Variants in VAV2 observed in about 807,000 individuals in gnomAD.
VAV2 encodes guanine nucleotide exchange factor VAV2.
Under a neutral mutation model 132.5 loss-of-function variants are expected in VAV2, and 67 were observed. The ratio of observed to expected loss-of-function variants is 0.51; its 90% CI spans 0.42 to 0.62. The LOEUF (loss-of-function observed/expected upper bound fraction) is 0.62. VAV2 is among the 20% of genes least tolerant of loss of function. The pLI, the probability that VAV2 is intolerant of heterozygous loss-of-function variation, is 0.00. For missense variants in VAV2, 938 were observed against 1,153.6 expected (o/e 0.81, Z 2.71); for synonymous variants, 492 against 443.5 (o/e 1.11, Z -1.37).
At chr9:133,785,096 G>A (rs1441288116) in intron 17 of VAV2, among the ~76,000 whole-genome samples, 2 of 152,126 alleles carry the variant, frequency 1.3e-5, no homozygotes, top group African/African-American at 4.8e-5. Flanking sequence ...TCACGAGCCA[G>A]GCCCTGGCCC....
At chr9:133,893,347 C>T (rs967465889) in intron 2 of VAV2, among the ~76,000 whole-genome samples, 3 of 152,122 alleles carry the variant, frequency 2.0e-5, no homozygotes, top group Non-Finnish European at 2.9e-5. Context: ...GCTCGGGTGG[C>T]GAAGGCGGCG....
chr9:133,843,678 T>C (rs1836815020), intron 3 of VAV2, among the ~76,000 whole-genome samples: 2 of 152,150 alleles, frequency 1.3e-5, no homozygotes, highest in African/African-American at 2.4e-5. Flanking sequence ...AAGGTGATGA[T>C]GGACATGGGC....
chr9:133,955,915 C>T (rs559205615), intron 1 of VAV2, among the ~76,000 whole-genome samples: 2 of 149,882 alleles, frequency 1.3e-5, no homozygotes, highest in Non-Finnish European at 3.0e-5. Flanking sequence ...CTGCCGCTTC[C>T]GCTCAGCACA....
chr9:133,856,524 C>T lies in VAV2; in HGVS notation c.380+4850G>A, dbSNP rs556298450. On this transcript the variant is annotated intron_variant, in intron 3 of 29. Coordinates refer to ENST00000371850, the MANE Select transcript of VAV2 (RefSeq NM_001134398.2). ...CCCCATGCTGATATGTGCCCAGACACGCCACATAGCTGGGCCTTCAGACAG... is the reference window on the plus strand; with the variant it reads ...CCCCATGCTGATATGTGCCCAGACATGCCACATAGCTGGGCCTTCAGACAG... Among the ~76,000 whole-genome samples, 12 of 151,974 alleles carry T rather than the reference C, an allele frequency of 7.9e-5. No homozygotes were observed. In the South Asian group the frequency reaches 1.9e-3, roughly 24 times the overall value.
intron 2 of VAV2, among the ~76,000 whole-genome samples, chr9:133,868,221 C>T (rs1486972895): frequency 2.6e-5 from 4 of 152,208 alleles, no homozygotes; most frequent in Non-Finnish European, 4.4e-5. Flanking sequence ...GTGAGCTACC[C>T]GGGGCTCGGG....
chr9:133,778,952 C>T (rs536384190), intron 21 of VAV2, 63 bp from the exon 22 acceptor site: 84 of 1,580,736 alleles, frequency 5.3e-5, no homozygotes, highest in Non-Finnish European at 6.1e-5. Context: ...GACTTGGCCC[C>T]GGCCCGCAGC....
At position 133,928,928 on chromosome 9, in the gene VAV2, G is replaced by A. The variant is rs747172829; in HGVS notation, c.321+10175C>T. 1.3e-5 allele frequency among the ~76,000 whole-genome samples: 2 copies of A among 152,126 alleles called. No homozygotes were observed. ...AGATGCACCCCTGCCCACTGCCAGG[G>A]TCATCACCCACGTGCTCAAACGCGG... On this transcript the variant is annotated intron_variant, in intron 2 of 29. Coordinates refer to ENST00000371850, the MANE Select transcript of VAV2 (RefSeq NM_001134398.2). This position sits in a 1 kb window ranked among gnomAD's most constrained non-coding sequence, Gnocchi z 5.4.
chr9:133,843,080 A>T (rs1836789203), intron 3 of VAV2, among the ~76,000 whole-genome samples: 2 of 152,324 alleles, frequency 1.3e-5, no homozygotes, highest in African/African-American at 4.8e-5. Context: ...TCAGCGCGCC[A>T]TCCCACCCAG....
In VAV2 at chr9:133,857,945, C is replaced by G. The variant is rs1042199085; in HGVS notation, c.380+3429G>C. Among the ~76,000 whole-genome samples the G allele has an allele frequency of 6.6e-6, 1 of 152,224 alleles. No individual in the cohort carries two copies. The highest frequency in any genetic ancestry group is 6.5e-5 in the Admixed American group (1 of 15,286). On this transcript the variant is annotated intron_variant, in intron 3 of 29. Transcript: ENST00000371850. This position sits in a 1 kb window ranked among gnomAD's most constrained non-coding sequence, Gnocchi z 4.0. The stretch of plus-strand genomic sequence containing the variant: ...CTGCAGAGGTCTTCCTGCAAAGCCT[C>G]GCTCTGCGCCCAGGAGGCCCTTCCC...
chr9:133,939,538 G>A (rs1441271018), intron 1 of VAV2, among the ~76,000 whole-genome samples: 2 of 152,152 alleles, frequency 1.3e-5, no homozygotes, highest in African/African-American at 2.4e-5. Flanking sequence ...CAGAAGACAC[G>A]CCACTCCCCG....
chr9:133,820,010 A>T (rs1246085207), intron 4 of VAV2, among the ~76,000 whole-genome samples: 1 of 152,236 alleles, frequency 6.6e-6, no homozygotes. Context: ...TTTAACCAGT[A>T]TTTCTCCTAT....
At chr9:133,890,804 C>A (rs571068832) in intron 2 of VAV2, among the ~76,000 whole-genome samples, 1 of 152,118 alleles carries the variant, frequency 6.6e-6, no homozygotes, top group Admixed American at 6.5e-5. Context: ...GGAAGCCGCA[C>A]GCTGGTGACG....
Position 133,965,494 on chromosome 9 carries a change from CA to C in VAV2, c.205-26276del, listed in dbSNP as rs148320930. Among the ~76,000 whole-genome samples, 322 of 122,762 alleles carry C rather than the reference CA, an allele frequency of 2.6e-3. 1 individual carries two copies. Among genetic ancestry groups the C allele is most frequent in the East Asian group, 0.015 (65 of 4,404 alleles). 80.5% of individuals were successfully genotyped at this position (122,762 alleles called of 152,430 possible). A position where few individuals can be genotyped will look rare whatever the true frequency, so the allele number is the denominator to read the frequency against. On this transcript the variant is annotated intron_variant, in intron 1 of 29. Coordinates refer to ENST00000371850, the MANE Select transcript of VAV2 (RefSeq NM_001134398.2). ...AGCCTGGATGACAGAGCGAGACTGT[CA>C]AAAAAAAAAAAAAAAGTCAAGAAAG...
intron 2 of VAV2, among the ~76,000 whole-genome samples, chr9:133,881,000 G>A (rs1021737342): frequency 5.3e-5 from 8 of 152,206 alleles, no homozygotes; most frequent in Admixed American, 1.3e-4. Flanking sequence ...AGGTGCTCCC[G>A]GGGGCAGCAA....
intron 2 of VAV2, among the ~76,000 whole-genome samples, chr9:133,874,469 C>T (rs748976345): frequency 7.9e-5 from 12 of 152,322 alleles, no homozygotes; most frequent in Admixed American, 2.0e-4. Flanking sequence ...CGCATCAGTC[C>T]CTCTTTAATC....
In VAV2 at chr9:133,806,184, G is replaced by T. The variant is rs1458830934; in HGVS notation, c.736-3C>A. On this transcript the variant is annotated splice_region_variant and splice_polypyrimidine_tract_variant and intron_variant, in intron 8 of 29. Transcript: ENST00000371850. Reference sequence around the variant, plus strand: ...CTGTGATGCACCTTGATCAGGTCCTGGGTTGAAAACCAGCCGTGAGTGCCT... The same window carrying T: ...CTGTGATGCACCTTGATCAGGTCCTTGGTTGAAAACCAGCCGTGAGTGCCT... The T allele has an allele frequency of 1.2e-6, 2 of 1,610,838 alleles. No individual in the cohort carries two copies. Among genetic ancestry groups the T allele is most frequent in the Non-Finnish European group, 1.7e-6 (2 of 1,179,224 alleles).
At chr9:133,783,372 T>C in intron 19 of VAV2, 131 bp downstream of exon 19, 1 of 814,576 alleles carries the variant, frequency 1.2e-6, no homozygotes, top group South Asian at 1.5e-5. Flanking sequence ...CTGGGGCACG[T>C]GAGCACTGGT....
intron 17 of VAV2, among the ~76,000 whole-genome samples, chr9:133,785,417 G>T (rs1332936753): frequency 6.6e-6 from 1 of 152,228 alleles, no homozygotes; most frequent in African/African-American, 2.4e-5. Flanking sequence ...CTGAAGACTG[G>T]GGTCACCAGG....
At chr9:133,956,925 C>T (rs896167075) in intron 1 of VAV2, among the ~76,000 whole-genome samples, 11 of 152,244 alleles carry the variant, frequency 7.2e-5, no homozygotes, top group Non-Finnish European at 1.6e-4. Flanking sequence ...AGAGCTGGTA[C>T]TTCAGCAGGG....
Sources: allele counts gnomAD v4.1 joint callset (sites outside exome capture counted in the v4.1 genomes callset), GRCh38; gene constraint gnomAD v4.1.1; non-coding constraint Gnocchi (gnomAD v3.1); transcripts MANE v1.5; gene names NCBI Gene and HGNC (gene_info 2026-07-23, HGNC 2026-07-21).